RGS3: variants seen among roughly 807,000 people sequenced by gnomAD.
RGS3 encodes the protein regulator of G-protein signalling 3.
In RGS3, 80 loss-of-function variants were observed where a neutral mutation model predicts 132.6. The ratio of observed to expected loss-of-function variants is 0.60; its 90% CI spans 0.50 to 0.73. RGS3 has a LOEUF of 0.73. RGS3 is among the 30% of genes least tolerant of loss of function. The pLI, the probability that RGS3 is intolerant of heterozygous loss-of-function variation, is 0.00. For missense variants in RGS3, 1,382 were observed against 1,530.8 expected (o/e 0.90, Z 1.62); for synonymous variants, 598 against 620.6 (o/e 0.96, Z 0.54).
intron 19 of RGS3, chr9:113,580,738 T>G: frequency 5.3e-6 from 5 of 942,028 alleles, no homozygotes; most frequent in Non-Finnish European, 6.3e-6. Context: ...CCTGGCTTTG[T>G]TTGGTTTGGC....
chr9:113,493,314 C>G (rs1312248235), intron 7 of RGS3, among the ~76,000 whole-genome samples: 1 of 152,090 alleles, frequency 6.6e-6, no homozygotes, highest in Non-Finnish European at 1.5e-5. Context: ...GAGCATTGTC[C>G]TTTTTGAATA....
At chr9:113,517,307 G>C (rs1831726135) in intron 15 of RGS3, 1 of 656,398 alleles carries the variant, frequency 1.5e-6, no homozygotes, top group African/African-American at 1.8e-5. Context: ...AGCTCTCACG[G>C]TGAGGGTTGA....
At chr9:113,525,984 T>C (rs7852118) in intron 17 of RGS3, among the ~76,000 whole-genome samples, 27,910 of 152,204 alleles carry the variant, frequency 0.18, 2,661 homozygotes, top group African/African-American at 0.21. Context: ...TCAGCAGGGC[T>C]GAATGGCAGT....
intron 16 of RGS3, among the ~76,000 whole-genome samples, chr9:113,518,276 G>T (rs1316343744): frequency 6.6e-6 from 1 of 152,248 alleles, no homozygotes; most frequent in African/African-American, 2.4e-5. Flanking sequence ...GGGCCATGGG[G>T]TGAGGGTAGC....
chr9:113,541,422 G>A, intron 19 of RGS3: 2 of 1,613,396 alleles, frequency 1.2e-6, no homozygotes, highest in South Asian at 2.2e-5. Flanking sequence ...GACTCTGATT[G>A]GCTGAGCAAA....
At chr9:113,480,271 A>T (rs1830116774) in intron 4 of RGS3, among the ~76,000 whole-genome samples, 1 of 152,102 alleles carries the variant, frequency 6.6e-6, no homozygotes, top group South Asian at 2.1e-4. Context: ...GGCCTGGCCA[A>T]CATACTGAAA....
intron 23 of RGS3, 199 bp from the exon 22 acceptor site, chr9:113,595,400 G>C (rs75276938): frequency 5.0e-6 from 3 of 594,888 alleles, no homozygotes; most frequent in East Asian, 2.8e-5. Flanking sequence ...GGCATAGAGA[G>C]GGGGAGACCC....
intron 5 of RGS3, among the ~76,000 whole-genome samples, chr9:113,483,832 T>C (rs1000506350): frequency 1.3e-5 from 2 of 152,180 alleles, no homozygotes; most frequent in Non-Finnish European, 2.9e-5. Flanking sequence ...CTTTCGCTTC[T>C]GGGGAAACCA....
At chr9:113,487,386 C>T (rs1471384099) in intron 7 of RGS3, among the ~76,000 whole-genome samples, 1 of 152,150 alleles carries the variant, frequency 6.6e-6, no homozygotes, top group Non-Finnish European at 1.5e-5. Flanking sequence ...GCTGGGATTA[C>T]AGGCGTGAGC....
intron 14 of RGS3, among the ~76,000 whole-genome samples, chr9:113,508,850 T>C (rs939669053): frequency 1.3e-5 from 2 of 152,174 alleles, no homozygotes; most frequent in Non-Finnish European, 2.9e-5. Flanking sequence ...AGGCATTCAA[T>C]TGAGATTCAT....
chr9:113,587,902 G>A (rs989910568), intron 20 of RGS3, among the ~76,000 whole-genome samples: 1 of 152,208 alleles, frequency 6.6e-6, no homozygotes, highest in Non-Finnish European at 1.5e-5. Flanking sequence ...GCCCCCTGCC[G>A]CCAGACCCCT....
At chr9:113,594,307 G>A (rs1400357187) in intron 21 of RGS3, 123 bp from the exon 20 acceptor site, 8 of 1,594,234 alleles carry the variant, frequency 5.0e-6, no homozygotes, top group South Asian at 1.1e-5. Flanking sequence ...CACTCGCAAC[G>A]GGAACCTGCA....
chr9:113,460,121 T>C, upstream of RGS3: 1 of 635,896 alleles, frequency 1.6e-6, no homozygotes, highest in Non-Finnish European at 2.1e-6. Flanking sequence ...GTATACATTT[T>C]GCCAGAGGTC....
At chr9:113,455,188 G>A (rs886072847) in intron 1 of RGS3, among the ~76,000 whole-genome samples, 6 of 152,118 alleles carry the variant, frequency 3.9e-5, no homozygotes, top group Non-Finnish European at 8.8e-5. Flanking sequence ...ACTGTCCTTC[G>A]TTGCCTGATG....
rs1396471441 is a variant in RGS3, at chr9:113,534,716, A to G, written c.1915-2080A>G. On this transcript the variant is annotated intron_variant, in intron 18 of 24. Transcript: ENST00000350696. ...AGCCTCAAGCTCCTGGGCTTCAGCA[A>G]TCCTCCCACCTTATCCTCCCAAGTA... Among the ~76,000 whole-genome samples, 9 of 151,494 alleles carry G rather than the reference A, an allele frequency of 5.9e-5. No individual in the cohort carries two copies. The East Asian group carries it at 7.8e-4, about 13-fold the overall frequency.
intron 11 of RGS3, 98 bp downstream of exon 9, chr9:113,505,621 G>A: frequency 1.1e-6 from 1 of 906,064 alleles, no homozygotes; most frequent in Non-Finnish European, 1.8e-6. Flanking sequence ...CCAAACTGGA[G>A]CAAAGTGTCC....
At chr9:113,571,603 T>C (rs1344291657) in intron 19 of RGS3, among the ~76,000 whole-genome samples, 3 of 152,212 alleles carry the variant, frequency 2.0e-5, no homozygotes, top group Non-Finnish European at 4.4e-5. Context: ...TTAAACGATA[T>C]TGTAGATATG....
chr9:113,574,434 C>T (rs1045499665), intron 19 of RGS3, among the ~76,000 whole-genome samples: 4 of 152,226 alleles, frequency 2.6e-5, no homozygotes, highest in Non-Finnish European at 5.9e-5. Flanking sequence ...AGAGATGGAC[C>T]TGGCATCTCC....
intron 19 of RGS3, among the ~76,000 whole-genome samples, chr9:113,554,881 T>C (rs1833504708): frequency 6.6e-6 from 1 of 152,230 alleles, no homozygotes; most frequent in Non-Finnish European, 1.5e-5. Context: ...CTAAGGTCTT[T>C]CCTACCCCTA....
Sources: gnomAD v4.1 joint callset for allele counts (sites outside exome capture counted in the v4.1 genomes callset) on GRCh38, gnomAD v4.1.1 for gene constraint, MANE v1.5 for transcripts, NCBI Gene and HGNC (gene_info 2026-07-23, HGNC 2026-07-21) for gene names.